KMT5B: variants seen among roughly 807,000 people sequenced by gnomAD.
The protein encoded by KMT5B is lysine methyltransferase 5B.
KMT5B carries 10 observed loss-of-function variants against 83.2 expected under a neutral mutation model. The ratio of observed to expected loss-of-function variants is 0.12; its 90% CI spans 0.07 to 0.20. The LOEUF is 0.20. Ranked by LOEUF, KMT5B falls within the 10% of genes least tolerant of loss-of-function variation. KMT5B has a pLI of 1.00. For missense variants in KMT5B, 753 were observed against 1,067.2 expected, an observed-to-expected ratio of 0.71 and a Z score of 4.10; for synonymous variants, 349 against 388.8, an observed-to-expected ratio of 0.90 and a Z score of 1.20.
intron 9 of KMT5B, among the ~76,000 whole-genome samples, chr11:68,170,747 C>T (rs1239507250): frequency 6.6e-6 from 1 of 152,158 alleles, no homozygotes; most frequent in African/African-American, 2.4e-5. Context: ...ACCATTCTCT[C>T]CTTAAGCACA....
intron 1 of KMT5B, among the ~76,000 whole-genome samples, chr11:68,209,662 G>T (rs967936916): frequency 2.0e-5 from 3 of 152,136 alleles, no homozygotes; most frequent in Non-Finnish European, 1.5e-5. Context: ...GGTGAAACAG[G>T]TATTAGCACT....
At chr11:68,191,593 G>A (rs1026405180) in intron 1 of KMT5B, among the ~76,000 whole-genome samples, 7 of 151,756 alleles carry the variant, frequency 4.6e-5, no homozygotes, top group Non-Finnish European at 5.9e-5. Context: ...CTTGGCCTCC[G>A]AAAGTGCTGG....
At chr11:68,178,380 C>T (rs1404678469) in intron 4 of KMT5B, among the ~76,000 whole-genome samples, 1 of 152,188 alleles carries the variant, frequency 6.6e-6, no homozygotes. Context: ...AAAACCAACA[C>T]AAAATAGTCA....
At chr11:68,161,907 C>T (rs911906934) in intron 10 of KMT5B, among the ~76,000 whole-genome samples, 3 of 152,176 alleles carry the variant, frequency 2.0e-5, no homozygotes, top group African/African-American at 7.2e-5. Flanking sequence ...ACCAGGTCAC[C>T]AAATACTGAC....
intron 6 of KMT5B, among the ~76,000 whole-genome samples, chr11:68,172,940 T>C (rs1437765356): frequency 6.6e-6 from 1 of 152,196 alleles, no homozygotes; most frequent in Non-Finnish European, 1.5e-5. Context: ...AGGAGCTACA[T>C]GTTTTTCCTG....
At chr11:68,162,159 C>T (rs1854924785) in intron 10 of KMT5B, among the ~76,000 whole-genome samples, 1 of 152,180 alleles carries the variant, frequency 6.6e-6, no homozygotes, top group African/African-American at 2.4e-5. Flanking sequence ...GCCACAGCCT[C>T]CTGCATGAAC....
At chr11:68,204,351 T>A (rs1215667692) in intron 1 of KMT5B, among the ~76,000 whole-genome samples, 3 of 152,128 alleles carry the variant, frequency 2.0e-5, no homozygotes, top group East Asian at 1.9e-4. Context: ...AAAGAGATTA[T>A]CCTAGATTAT....
intron 10 of KMT5B, 156 bp downstream of exon 10, chr11:68,166,826 C>A (rs1169572778): frequency 6.9e-7 from 1 of 1,447,338 alleles, no homozygotes; most frequent in Non-Finnish European, 9.1e-7. Context: ...TGTGCCTCTA[C>A]TCAAATCACG....
Position 68,158,085 on chromosome 11 carries a change from T to A in KMT5B, c.2261A>T (p.Asp754Val). ...AAGCTTTGCTACATAGAGATTGTTA[T>A]CGTTGTCATGGTCTTTGCTTAACTT... ...SIKLSKDHDN[D>V]NNLYVAKLNN... Residue 754 changes from aspartate (D) to valine (V), a missense_variant, in exon 11 of 11, where the codon GAT (aspartate) becomes GTT (valine). By Grantham distance (152) the Asp-to-Val change is radical. This residue lies in a region of KMT5B where 161 missense variants were observed against 195.1 expected (regional missense o/e 0.83). Transcript: ENST00000304363. 6.2e-7 allele frequency: 1 copy of A among 1,614,232 alleles called. No individual in the cohort carries two copies. The highest frequency in any genetic ancestry group is 8.5e-7 in the Non-Finnish European group (1 of 1,180,034).
chr11:68,190,108 G>T lies in KMT5B; in HGVS notation c.-32C>A. The T allele has an allele frequency of 6.2e-7, 1 of 1,604,348 alleles. No individual in the cohort carries two copies. Reference sequence around the variant, plus strand: ...AGACAGCCTGACCCAGGTGCATTTAGTCACTCTCTTCAAATAGCTTAGAGA... The same window carrying T: ...AGACAGCCTGACCCAGGTGCATTTATTCACTCTCTTCAAATAGCTTAGAGA... On this transcript the variant is annotated 5_prime_UTR_variant, in exon 2 of 11. Coordinates refer to ENST00000304363, the MANE Select transcript of KMT5B (RefSeq NM_017635.5).
rs189890730 is a variant in KMT5B at position 68,175,700 on chromosome 11, T to C, written c.378-517A>G. On this transcript the variant is annotated intron_variant, in intron 4 of 10. Transcript: ENST00000304363. ...AAGTATGATGATGTAAACAAAACCA[T>C]GCCATACACAAAAACATTCTTTATG... Among the ~76,000 whole-genome samples, 9 of 152,226 alleles carry C rather than the reference T, an allele frequency of 5.9e-5. No individual in the cohort carries two copies. The East Asian group carries it at 1.2e-3, about 20-fold the overall frequency.
chr11:68,183,880 G>A (rs1375879407), intron 3 of KMT5B, among the ~76,000 whole-genome samples: 10 of 151,616 alleles, frequency 6.6e-5, no homozygotes, highest in Admixed American at 2.0e-4. Context: ...GGCTGGTCTC[G>A]AACTCCTGAC....
chr11:68,210,571 GTCCT>G, intron 1 of KMT5B, among the ~76,000 whole-genome samples: 1 of 152,172 alleles, frequency 6.6e-6, no homozygotes, highest in South Asian at 2.1e-4. Context: ...TTATTCCATG[GTCCT>G]TCAACTATTC....
chr11:68,173,189 T>A (rs557490606), intron 6 of KMT5B, among the ~76,000 whole-genome samples: 8 of 152,096 alleles, frequency 5.3e-5, no homozygotes, highest in Non-Finnish European at 1.2e-4. Flanking sequence ...TACAGGTGTG[T>A]GCTACCACGC....
At chr11:68,205,900 G>A (rs922553306) in intron 1 of KMT5B, among the ~76,000 whole-genome samples, 1 of 152,140 alleles carries the variant, frequency 6.6e-6, no homozygotes, top group East Asian at 1.9e-4. Context: ...GATTACAGGC[G>A]TGAGCCACCG....
intron 3 of KMT5B, among the ~76,000 whole-genome samples, chr11:68,181,058 T>A (rs1856869727): frequency 6.6e-6 from 1 of 151,434 alleles, no homozygotes; most frequent in Non-Finnish European, 1.5e-5. Context: ...TCATTAAACA[T>A]CTACTCTTTC....
At position 68,158,134 on chromosome 11, in the gene KMT5B, T is replaced by C. The variant is rs1565212691; in HGVS notation, c.2212A>G (p.Met738Val). Reference sequence around the variant, plus strand: ...TTGATGCTTATTTTGGAAGAGTTCATTCCATCATTCTCTTGGTCATTTGTT... The same window carrying C: ...TTGATGCTTATTTTGGAAGAGTTCACTCCATCATTCTCTTGGTCATTTGTT... ...SKTNDQENDG[M>V]NSSKISIKLS... The change falls in exon 11 of 11, where the codon ATG becomes GTG. Residue 738 changes from methionine to valine, a missense_variant. Physicochemically the swap from Met to Val is conservative, Grantham distance 21. Coordinates refer to ENST00000304363, the MANE Select transcript of KMT5B (RefSeq NM_017635.5). The C allele has an allele frequency of 6.2e-7, 1 of 1,614,228 alleles. No individual in the cohort carries two copies. The highest frequency in any genetic ancestry group is 8.5e-7 in the Non-Finnish European group (1 of 1,180,044).
At position 68,158,915 on chromosome 11, in the gene KMT5B, C is replaced by T. The variant is rs1342654844; in HGVS notation, c.1431G>A (p.Leu477=). Residue 477 remains leucine (L), a synonymous_variant, in exon 11 of 11, where the codon CTG becomes CTA. Transcript: ENST00000304363. ...SRKLEMGNLV[L]KEPKVVLYKN... Reference sequence around the variant, plus strand: ...TATACAGAACTACTTTAGGCTCTTTCAGTACTAAGTTTCCCATTTCGAGTT... The same window carrying T: ...TATACAGAACTACTTTAGGCTCTTTTAGTACTAAGTTTCCCATTTCGAGTT... 9 of 1,614,046 alleles carry T rather than the reference C, an allele frequency of 5.6e-6. No homozygotes were observed. Among genetic ancestry groups the T allele is most frequent in the Non-Finnish European group, 7.6e-6 (9 of 1,180,048 alleles).
intron 1 of KMT5B, among the ~76,000 whole-genome samples, chr11:68,201,918 CAAAAAAAAAAA>C (rs779662280): frequency 1.2e-5 from 1 of 82,938 alleles, no homozygotes; most frequent in African/African-American, 4.5e-5. Flanking sequence ...CAGTCTCTAC[CAAAAAAAAAAA>C]AAAAAAAAAA....
Sources: allele counts gnomAD v4.1 joint callset (sites outside exome capture counted in the v4.1 genomes callset), GRCh38; gene constraint gnomAD v4.1.1; regional missense constraint gnomAD v4.1.1; transcripts MANE v1.5; gene names NCBI Gene and HGNC (gene_info 2026-07-23, HGNC 2026-07-21).